The following NEB variants were observed in gnomAD, a reference collection of about 807,000 sequenced individuals.
The protein encoded by NEB is nemaline myopathy type 2.
NEB carries 512 observed loss-of-function variants against 952.2 expected under a neutral mutation model. That is an observed-to-expected ratio of 0.54 (90% CI 0.50 to 0.58). The LOEUF (loss-of-function observed/expected upper bound fraction) is 0.58, where lower values mean the gene tolerates loss of function less well. Among genes scored for constraint, NEB ranks in the 20% least tolerant of loss-of-function variants. The pLI, the probability that NEB is intolerant of heterozygous loss-of-function variation, is 0.00. For synonymous variants in NEB, 2,900 were observed against 3,149.8 expected (o/e 0.92, Z 2.66); for missense variants, 8,428 against 9,231.1 (o/e 0.91, Z 3.56).
intron 70 of NEB, 88 bp downstream of exon 70, chr2:151,626,914 G>A: frequency 1.4e-6 from 2 of 1,477,620 alleles, no homozygotes; most frequent in East Asian, 4.6e-5. Flanking sequence ...AATTTAATTG[G>A]ATTTAAAAAA....
chr2:151,570,071 G>T lies in NEB; in HGVS notation c.17430+10C>A, dbSNP rs541519836. Reference sequence around the variant, plus strand: ...AGAAAAGAGTTCAACCCCAAATGCAGCCCACTCACATCGCTCTGCAGTTCG... The same window carrying T: ...AGAAAAGAGTTCAACCCCAAATGCATCCCACTCACATCGCTCTGCAGTTCG... On this transcript the variant is annotated intron_variant, in intron 109 of 181. Transcript: ENST00000397345. The T allele has an allele frequency of 1.9e-6, 3 of 1,597,338 alleles. No homozygotes were observed. Among genetic ancestry groups the T allele is most frequent in the South Asian group, 2.3e-5 (2 of 88,240 alleles).
intron 105 of NEB, among the ~76,000 whole-genome samples, chr2:151,577,614 T>C (rs935955489): frequency 2.0e-5 from 3 of 152,186 alleles, no homozygotes; most frequent in Non-Finnish European, 1.5e-5. Context: ...GGAGTCTCAC[T>C]CTGCCACCCA....
At chr2:151,556,110 A>G (rs559519959) in intron 124 of NEB, among the ~76,000 whole-genome samples, 189 of 152,254 alleles carry the variant, frequency 1.2e-3, no homozygotes, top group Non-Finnish European at 2.3e-3. Flanking sequence ...TAATCTTCCA[A>G]ATAGAGGTGG....
intron 135 of NEB, among the ~76,000 whole-genome samples, chr2:151,541,755 C>T (rs1229745854): frequency 6.6e-6 from 1 of 152,182 alleles, no homozygotes; most frequent in Non-Finnish European, 1.5e-5. Context: ...GAGACATTCT[C>T]TAGCCTGTCC....
intron 69 of NEB, 147 bp from the exon 70 acceptor site, chr2:151,627,352 G>T: frequency 7.3e-7 from 1 of 1,367,092 alleles, no homozygotes; most frequent in Non-Finnish European, 9.9e-7. Context: ...TACAGTCTCA[G>T]GTATTACTTT....
Position 151,560,626 on chromosome 2 carries a change from G to A in NEB, c.19280C>T (p.Thr6427Ile), listed in dbSNP as rs1452511691. 11 of 1,612,606 alleles carry A rather than the reference G, an allele frequency of 6.8e-6. No homozygotes were observed. The highest frequency in any genetic ancestry group is 8.5e-6 in the Non-Finnish European group (10 of 1,179,402). Residue 6427 changes from threonine to isoleucine, a missense_variant, in exon 124 of 182, where the codon ACA becomes ATA. Physicochemically the swap from Thr to Ile is moderately conservative, Grantham distance 89. Transcript: ENST00000397345. ...CAGATGCTTCTGGTTCTTGGCGTGT[G>A]TCAGGGACAAGGTGCTGGAAGGCAG... is the stretch of plus-strand genomic sequence containing the variant. ...YILPSSTLSL[T>I]HAKNQKHLAS...
At position 151,567,305 on chromosome 2, in the gene NEB, C is replaced by T; in HGVS notation, c.18019G>A (p.Val6007Met). The change falls in exon 114 of 182, where the codon GTG (valine) becomes ATG (methionine). Residue 6007 changes from valine (V) to methionine (M), a missense_variant. Physicochemically the swap from Val to Met is conservative, Grantham distance 21. Around this residue, in one of 11 missense-constraint regions of NEB, gnomAD observed 3,374 missense variants for 3,651.5 expected, o/e 0.92. Transcript: ENST00000397345. Reference sequence around the variant, plus strand: ...CCCTGCTTGGCGGCCAAGACTGACACCATATCAGCAGGTATATTGATTTTG... The same window carrying T: ...CCCTGCTTGGCGGCCAAGACTGACATCATATCAGCAGGTATATTGATTTTG... ...KAKINIPADM[V>M]SVLAAKQGQT... The T allele has an allele frequency of 6.2e-7, 1 of 1,613,904 alleles. No homozygotes were observed. The highest frequency in any genetic ancestry group is 8.5e-7 in the Non-Finnish European group (1 of 1,179,846).
chr2:151,680,210 A>G (rs1462543284), intron 30 of NEB, among the ~76,000 whole-genome samples, 188 bp from the exon 31 acceptor site: 1 of 152,210 alleles, frequency 6.6e-6, no homozygotes, highest in Non-Finnish European at 1.5e-5. Context: ...TGCTTAGGAT[A>G]CTGTCTCAGT....
chr2:151,485,741 G>C lies in NEB; in HGVS notation c.*19C>G, dbSNP rs779805343. 2 of 1,594,504 alleles carry C rather than the reference G, an allele frequency of 1.3e-6. No homozygotes were observed. Among genetic ancestry groups the C allele is most frequent in the African/African-American group, 1.3e-5 (1 of 74,630 alleles). ...CAGGATCTGTAAGTCCTGCAGACAA[G>C]TGTGATGCTTTGAAATGCCTAAATA... On this transcript the variant is annotated 3_prime_UTR_variant, in exon 182 of 182. Transcript: ENST00000397345.
At chr2:151,511,684 G>A (rs963941948) in intron 161 of NEB, among the ~76,000 whole-genome samples, 5 of 152,122 alleles carry the variant, frequency 3.3e-5, no homozygotes, top group Admixed American at 2.0e-4. Context: ...ACTGACAATC[G>A]TTCATACAAG....
chr2:151,489,299 C>T (rs1455241887), intron 181 of NEB, among the ~76,000 whole-genome samples: 1 of 152,096 alleles, frequency 6.6e-6, no homozygotes, highest in African/African-American at 2.4e-5. Flanking sequence ...GTGAAGTAGT[C>T]TGGTGAACTG....
At chr2:151,686,683 A>G (rs894708398) in intron 27 of NEB, among the ~76,000 whole-genome samples, 3 of 152,198 alleles carry the variant, frequency 2.0e-5, no homozygotes, top group African/African-American at 7.2e-5. Flanking sequence ...CTTCTCTTTC[A>G]TCATTAAAAA....
rs375807681 is a variant in NEB at position 151,496,492 on chromosome 2, A to C, written c.24394-124T>G. On this transcript the variant is annotated intron_variant, in intron 172 of 181. Transcript: ENST00000397345. ...AGTCGTCCAAGGAGCCAGAAGTTAT[A>C]TGCTGACAAAATGCCACCAGCTACT... 67 of 1,451,974 alleles carry C rather than the reference A, an allele frequency of 4.6e-5. No individual in the cohort carries two copies. In the East Asian group the frequency reaches 7.9e-4, roughly 17 times the overall value. The allele number at this position is 1,451,974 out of a possible 1,614,324, so 89.9% of individuals were successfully genotyped here.
At chr2:151,724,593 G>A (rs753473309) in intron 7 of NEB, among the ~76,000 whole-genome samples, 10 of 152,106 alleles carry the variant, frequency 6.6e-5, no homozygotes, top group Non-Finnish European at 1.3e-4. Flanking sequence ...AGCTTCTTTG[G>A]TGACACTGGG....
Position 151,567,337 on chromosome 2 carries a change from G to A in NEB, c.17987C>T (p.Thr5996Ile). 6.2e-7 allele frequency: 1 copy of A among 1,613,886 alleles called. No homozygotes were observed. Among genetic ancestry groups the A allele is most frequent in the Non-Finnish European group, 8.5e-7 (1 of 1,179,836 alleles). ...AGCAGGTATATTGATTTTGGCCTTTGTTTTGTGATAGTCCTCTTTGTATAG... is the reference window on the plus strand; with the variant it reads ...AGCAGGTATATTGATTTTGGCCTTTATTTTGTGATAGTCCTCTTTGTATAG... ...ERLYKEDYHK[T>I]KAKINIPADM... is the part of the protein sequence containing the mutation. The change falls in exon 114 of 182, where the codon ACA becomes ATA. Residue 5996 changes from threonine to isoleucine, a missense_variant. This residue lies in a region of NEB where 3,374 missense variants were observed against 3,651.5 expected (regional missense o/e 0.92). Coordinates refer to ENST00000397345, the MANE Select transcript of NEB (RefSeq NM_001164508.2).
At chr2:151,659,008 T>C (rs2099116771) in intron 47 of NEB, 57 bp downstream of exon 47, 2 of 1,183,176 alleles carry the variant, frequency 1.7e-6, no homozygotes, top group African/African-American at 1.5e-5. Context: ...ATTAATTTGT[T>C]CTTACTGGTT....
chr2:151,641,016 G>A (rs937398259), intron 60 of NEB, among the ~76,000 whole-genome samples: 1 of 152,018 alleles, frequency 6.6e-6, no homozygotes, highest in Non-Finnish European at 1.5e-5. Flanking sequence ...AAATTCTCCT[G>A]CATGGGTTTT....
intron 29 of NEB, among the ~76,000 whole-genome samples, chr2:151,681,788 C>T (rs113786286): frequency 6.6e-6 from 1 of 152,072 alleles, no homozygotes; most frequent in African/African-American, 2.4e-5. Flanking sequence ...AAGATCATCA[C>T]TATTTTTTCT....
chr2:151,566,603 A>C (rs2096408853), intron 114 of NEB, among the ~76,000 whole-genome samples: 1 of 152,202 alleles, frequency 6.6e-6, no homozygotes, highest in Admixed American at 6.5e-5. Context: ...ATCTTGATTC[A>C]GGCTTCAGTG....
Sources: allele counts gnomAD v4.1 joint callset (sites outside exome capture counted in the v4.1 genomes callset), GRCh38; gene constraint gnomAD v4.1.1; regional missense constraint gnomAD v4.1.1; transcripts MANE v1.5; gene names NCBI Gene and HGNC (gene_info 2026-07-23, HGNC 2026-07-21).